MYO1E: variants seen among roughly 807,000 people sequenced by gnomAD.
MYO1E encodes myosin IE, also known as unconventional myosin-Ie.
A neutral mutation model predicts 151.1 loss-of-function variants in MYO1E; 68 were observed. The ratio of observed to expected loss-of-function variants is 0.45; its 90% confidence interval spans 0.37 to 0.55. MYO1E has a LOEUF of 0.55. Ranked by LOEUF, MYO1E falls within the 20% of genes least tolerant of loss-of-function variation. The pLI is 0.00. For missense variants in MYO1E, 1,363 were observed against 1,389.3 expected (o/e 0.98, Z 0.30); for synonymous variants, 601 against 501.7 (o/e 1.20, Z -2.64).
intron 23 of MYO1E, among the ~76,000 whole-genome samples, chr15:59,162,850 A>C (rs1167558269): frequency 1.3e-5 from 2 of 152,112 alleles, no homozygotes; most frequent in African/African-American, 4.8e-5. Context: ...TCCTAAATTA[A>C]AAAAACCCTT....
In MYO1E at chr15:59,195,289, T is replaced by C. The variant is rs553644886; in HGVS notation, c.1805+172A>G. 2.0e-5 allele frequency among the ~76,000 whole-genome samples: 3 copies of C among 152,324 alleles called. No homozygotes were observed. The East Asian group carries it at 5.8e-4, about 29-fold the overall frequency. On this transcript the variant is annotated intron_variant, in intron 17 of 27. Coordinates refer to ENST00000288235, the MANE Select transcript of MYO1E (RefSeq NM_004998.4). ...ATGGCACTGCTAACATTTTAGCAAA[T>C]GACACGGAGGGGAAACAGTATACAG...
intron 1 of MYO1E, among the ~76,000 whole-genome samples, chr15:59,284,709 G>A (rs2080377271): frequency 6.6e-6 from 1 of 150,420 alleles, no homozygotes; most frequent in South Asian, 2.1e-4. Context: ...TCTTGGGCTT[G>A]AGCAATCCTC....
At chr15:59,150,156 G>A (rs1051090759) in intron 26 of MYO1E, among the ~76,000 whole-genome samples, 2 of 152,236 alleles carry the variant, frequency 1.3e-5, no homozygotes, top group African/African-American at 4.8e-5. Flanking sequence ...TTACAAAGAG[G>A]AGGCTGGCTA....
intron 2 of MYO1E, among the ~76,000 whole-genome samples, chr15:59,269,189 G>A (rs1207213820): frequency 6.6e-6 from 1 of 152,172 alleles, no homozygotes; most frequent in African/African-American, 2.4e-5. Flanking sequence ...ACACCTGCAT[G>A]GTAATAATGA....
At position 59,252,386 on chromosome 15, in the gene MYO1E, C is replaced by T. The variant is rs188563197; in HGVS notation, c.332+3898G>A. Among the ~76,000 whole-genome samples the T allele has an allele frequency of 2.4e-3, 358 of 152,188 alleles. 2 individuals carry two copies. Among genetic ancestry groups the T allele is most frequent in the African/African-American group, 8.3e-3 (346 of 41,530 alleles). ...TAACTTGAGGTCAGGAGTTCAAGAC[C>T]AGCCTGGCTAACATGGTGAAACCCT... On this transcript the variant is annotated intron_variant, in intron 4 of 27. Transcript: ENST00000288235.
intron 2 of MYO1E, 46 bp from the exon 3 acceptor site, chr15:59,261,555 A>T: frequency 7.9e-7 from 1 of 1,262,556 alleles, no homozygotes; most frequent in Non-Finnish European, 1.2e-6. Flanking sequence ...TCATAGCTAC[A>T]CATTTTTCAA....
rs57088620 is a variant in MYO1E, at chr15:59,252,785, C to G, written c.332+3499G>C. ...GCCTTAACCCCAGCCACTCAGGAGGCTGAGGCAGGAGAATCGCTTGAACCC... is the reference window on the plus strand; with the variant it reads ...GCCTTAACCCCAGCCACTCAGGAGGGTGAGGCAGGAGAATCGCTTGAACCC... On this transcript the variant is annotated intron_variant, in intron 4 of 27. Coordinates refer to ENST00000288235, the MANE Select transcript of MYO1E (RefSeq NM_004998.4). Among the ~76,000 whole-genome samples the G allele has an allele frequency of 2.2e-3, 331 of 151,582 alleles. 3 individuals carry two copies. Among genetic ancestry groups the G allele is most frequent in the Non-Finnish European group, 3.5e-3 (241 of 67,972 alleles).
At chr15:59,177,249 C>T (rs945109061) in intron 19 of MYO1E, among the ~76,000 whole-genome samples, 17 of 150,712 alleles carry the variant, frequency 1.1e-4, no homozygotes, top group African/African-American at 1.9e-4. Context: ...CTACCACAAA[C>T]GTGTCATAAA....
chr15:59,295,194 G>A (rs2080441643), intron 1 of MYO1E, among the ~76,000 whole-genome samples: 1 of 152,082 alleles, frequency 6.6e-6, no homozygotes, highest in South Asian at 2.1e-4. Context: ...GGAGGCTTCA[G>A]GGAGATCAGA....
intron 13 of MYO1E, 130 bp from the exon 14 acceptor site, chr15:59,208,978 C>G: frequency 8.8e-7 from 1 of 1,131,278 alleles, no homozygotes; most frequent in South Asian, 1.3e-5. Context: ...CAGTATTCCC[C>G]TTCAGGCAAG....
intron 1 of MYO1E, chr15:59,341,183 A>G (rs2080763369): frequency 6.6e-6 from 1 of 152,136 alleles, no homozygotes; most frequent in Admixed American, 6.6e-5. Flanking sequence ...GGGTATCCAC[A>G]CCCTCAAGGA....
intron 1 of MYO1E, among the ~76,000 whole-genome samples, chr15:59,275,368 T>G (rs926511304): frequency 3.9e-5 from 6 of 152,064 alleles, no homozygotes; most frequent in African/African-American, 1.2e-4. Context: ...AGGTCACATA[T>G]CAGTTTCTGT....
chr15:59,220,861 G>A (rs1162101123), intron 9 of MYO1E, among the ~76,000 whole-genome samples: 4 of 101,962 alleles, frequency 3.9e-5, no homozygotes, highest in Admixed American at 9.8e-5. Context: ...AGGCCAAGGC[G>A]GGAGGATGAC....
At chr15:59,353,180 G>A (rs1726946404) in intron 1 of MYO1E, among the ~76,000 whole-genome samples, 1 of 151,838 alleles carries the variant, frequency 6.6e-6, no homozygotes, top group African/African-American at 2.4e-5. Context: ...AAAATGTCTT[G>A]TTTATACTAA....
intron 25 of MYO1E, among the ~76,000 whole-genome samples, chr15:59,156,746 C>G (rs550538743): frequency 2.2e-4 from 34 of 152,328 alleles, no homozygotes; most frequent in African/African-American, 7.7e-4. Flanking sequence ...GAATTCTAAA[C>G]TGCTTAATAC....
chr15:59,140,592 A>G (rs1011129082), intron 26 of MYO1E, among the ~76,000 whole-genome samples: 1 of 152,200 alleles, frequency 6.6e-6, no homozygotes, highest in Non-Finnish European at 1.5e-5. Flanking sequence ...AGGAAAAGGG[A>G]GGGCCTTCCT....
chr15:59,362,778 C>T (rs779592268), intron 1 of MYO1E, among the ~76,000 whole-genome samples: 12 of 152,092 alleles, frequency 7.9e-5, no homozygotes, highest in Non-Finnish European at 1.3e-4. Context: ...TAATGTTATC[C>T]TAAATTGCTG....
intron 1 of MYO1E, among the ~76,000 whole-genome samples, chr15:59,338,993 G>A (rs923230153): frequency 6.6e-6 from 1 of 152,176 alleles, no homozygotes; most frequent in Admixed American, 6.5e-5. Flanking sequence ...TTAGCCAGGC[G>A]TGGTGGCACA....
At chr15:59,299,149 A>C (rs2080468010) in intron 1 of MYO1E, among the ~76,000 whole-genome samples, 1 of 152,216 alleles carries the variant, frequency 6.6e-6, no homozygotes, top group South Asian at 2.1e-4. Flanking sequence ...GTATGTGTGT[A>C]GGTTCGTGAT....
Sources: allele counts gnomAD v4.1 joint callset (sites outside exome capture counted in the v4.1 genomes callset), GRCh38; gene constraint gnomAD v4.1.1; transcripts MANE v1.5; gene names NCBI Gene and HGNC (gene_info 2026-07-23, HGNC 2026-07-21).